CSMD1: variants seen among roughly 807,000 people sequenced by gnomAD.
CSMD1 encodes CUB and sushi domain-containing protein 1.
A neutral mutation model predicts 417.5 loss-of-function variants in CSMD1; 213 were observed. The observed-to-expected ratio is 0.51, with a 90% CI of 0.46 to 0.57. The LOEUF is 0.57. Among genes scored for constraint, CSMD1 ranks in the 20% least tolerant of loss-of-function variants. CSMD1 has a pLI of 0.00. For synonymous variants in CSMD1, 2,862 were observed against 1,736.8 expected (o/e 1.65, Z -16.11); for missense variants, 6,923 against 4,529.7 (o/e 1.53, Z -15.17).
intron 3 of CSMD1, among the ~76,000 whole-genome samples, chr8:4,073,631 A>C (rs1328955523): frequency 4.6e-5 from 7 of 152,170 alleles, no homozygotes; most frequent in Non-Finnish European, 8.8e-5. Flanking sequence ...ATTGAATTTT[A>C]ATGAATTTAT....
chr8:4,473,643 T>C (rs780383830), intron 2 of CSMD1, among the ~76,000 whole-genome samples: 5 of 152,180 alleles, frequency 3.3e-5, no homozygotes, highest in Non-Finnish European at 5.9e-5. Context: ...TTTAGTTTCC[T>C]TTATCTGTGA....
intron 3 of CSMD1, among the ~76,000 whole-genome samples, chr8:4,224,462 G>A (rs188167978): frequency 1.3e-5 from 2 of 152,120 alleles, no homozygotes; most frequent in South Asian, 2.1e-4. Flanking sequence ...CCAGGTTGGG[G>A]AATAGTTGCT....
At chr8:4,961,939 T>G (rs1236669429) in intron 1 of CSMD1, among the ~76,000 whole-genome samples, 1 of 152,132 alleles carries the variant, frequency 6.6e-6, no homozygotes, top group East Asian at 1.9e-4. Context: ...TTATAACATT[T>G]GTTATTGTCT....
intron 3 of CSMD1, among the ~76,000 whole-genome samples, chr8:4,233,680 T>C (rs1801876362): frequency 6.6e-6 from 1 of 152,142 alleles, no homozygotes; most frequent in African/African-American, 2.4e-5. Flanking sequence ...TTATAAGCTA[T>C]CCAATGTATG....
chr8:3,927,046 TTA>T (rs1474837976), intron 5 of CSMD1, among the ~76,000 whole-genome samples: 5 of 151,920 alleles, frequency 3.3e-5, no homozygotes, highest in African/African-American at 1.2e-4. Context: ...TTTTTGTGCT[TTA>T]TGTTTTTATA....
At chr8:4,152,543 AG>A (rs1796623332) in intron 3 of CSMD1, among the ~76,000 whole-genome samples, 1 of 145,548 alleles carries the variant, frequency 6.9e-6, no homozygotes, top group Non-Finnish European at 1.5e-5. Context: ...AAAAAAAATT[AG>A]CTAGTCATGG....
intron 40 of CSMD1, among the ~76,000 whole-genome samples, chr8:3,145,893 C>A (rs117865954): frequency 0.012 from 1,776 of 152,322 alleles, 25 homozygotes; most frequent in Middle Eastern, 0.054. Flanking sequence ...GTGCCAGTGA[C>A]AAGTCACCTG....
At position 3,188,929 on chromosome 8, in the gene CSMD1, G is replaced by A; in HGVS notation, c.5481C>T (p.Asn1827=). 2 of 1,608,638 alleles carry A rather than the reference G, an allele frequency of 1.2e-6. No homozygotes were observed. Among genetic ancestry groups the A allele is most frequent in the South Asian group, 1.1e-5 (1 of 89,760 alleles). The change falls in exon 35 of 70, where the codon AAC becomes AAT. Residue 1827 remains asparagine (N), a synonymous_variant. Coordinates refer to ENST00000635120, the MANE Select transcript of CSMD1 (RefSeq NM_033225.6). The part of the protein sequence containing the change: ...GYPEPYGNNL[N]CIWKIIVTEG... ...CCGTAACTATGATCTTCCATATACA[G>A]TTCAAGTTGTTTCCGTATGGCTCAG... is the stretch of plus-strand genomic sequence containing the variant.
chr8:4,891,914 A>T lies in CSMD1; in HGVS notation c.85+102418T>A, dbSNP rs1039124775. On this transcript the variant is annotated intron_variant, in intron 1 of 69. Coordinates refer to ENST00000635120, the MANE Select transcript of CSMD1 (RefSeq NM_033225.6). ...AGATTCTATTTTAGCAAACAAACAG[A>T]TGGTAGGTTATCAACAATAAAAGAA... Among the ~76,000 whole-genome samples, 39 of 152,126 alleles carry T rather than the reference A, an allele frequency of 2.6e-4. 1 individual carries two copies. Among genetic ancestry groups the T allele is most frequent in the Non-Finnish European group, 7.3e-5 (5 of 68,042 alleles).
chr8:3,136,237 C>T (rs534646917), intron 41 of CSMD1, among the ~76,000 whole-genome samples: 6 of 151,776 alleles, frequency 4.0e-5, no homozygotes, highest in Non-Finnish European at 5.9e-5. Context: ...GAGAGGACAA[C>T]CAAGCCTTTT....
chr8:4,305,846 T>C (rs1470790390), intron 3 of CSMD1, among the ~76,000 whole-genome samples: 2 of 152,170 alleles, frequency 1.3e-5, no homozygotes, highest in African/African-American at 4.8e-5. Context: ...GCCGATCTTG[T>C]ATGGATCCCC....
intron 5 of CSMD1, among the ~76,000 whole-genome samples, chr8:3,836,093 T>A (rs1348353632): frequency 1.3e-5 from 2 of 152,162 alleles, no homozygotes; most frequent in African/African-American, 4.8e-5. Context: ...CTTTTTAAAC[T>A]TTTACCTATG....
At chr8:4,719,895 T>C (rs1459905020) in intron 1 of CSMD1, among the ~76,000 whole-genome samples, 1 of 152,134 alleles carries the variant, frequency 6.6e-6, no homozygotes, top group African/African-American at 2.4e-5. Context: ...CACATATCTA[T>C]ATTCGACCTC....
chr8:3,862,879 T>A (rs1187727203), intron 5 of CSMD1, among the ~76,000 whole-genome samples: 2 of 152,196 alleles, frequency 1.3e-5, no homozygotes, highest in Non-Finnish European at 2.9e-5. Context: ...CTATTATTAC[T>A]GTGTCTTAGT....
At chr8:3,075,921 G>A (rs561369071) in intron 49 of CSMD1, among the ~76,000 whole-genome samples, 1 of 151,642 alleles carries the variant, frequency 6.6e-6, no homozygotes, top group East Asian at 2.0e-4. Flanking sequence ...CGTGGTGGCG[G>A]GCGCCTGTAG....
chr8:3,897,628 C>G (rs1472849060), intron 5 of CSMD1, among the ~76,000 whole-genome samples: 1 of 151,836 alleles, frequency 6.6e-6, no homozygotes, highest in African/African-American at 2.4e-5. Flanking sequence ...TCAAAATGGA[C>G]TGCTGTAACA....
At chr8:3,956,869 A>T (rs957961824) in intron 5 of CSMD1, among the ~76,000 whole-genome samples, 2 of 152,200 alleles carry the variant, frequency 1.3e-5, no homozygotes, top group Non-Finnish European at 2.9e-5. Flanking sequence ...ACTCCTTGGA[A>T]TGCTGCAAAT....
At position 4,870,363 on chromosome 8, in the gene CSMD1, T is replaced by G. The variant is rs184075275; in HGVS notation, c.85+123969A>C. Reference sequence around the variant, plus strand: ...CATATTTTTATGCACTGCTATTTATTTCACCTAACAAGAGTTCAGAAACCC... The same window carrying G: ...CATATTTTTATGCACTGCTATTTATGTCACCTAACAAGAGTTCAGAAACCC... On this transcript the variant is annotated intron_variant, in intron 1 of 69. Coordinates refer to ENST00000635120, the MANE Select transcript of CSMD1 (RefSeq NM_033225.6). Among the ~76,000 whole-genome samples the G allele has an allele frequency of 1.2e-3, 188 of 152,234 alleles. 1 individual carries two copies. The highest frequency in any genetic ancestry group is 7.4e-3 in the Admixed American group (113 of 15,288).
intron 3 of CSMD1, among the ~76,000 whole-genome samples, chr8:4,155,008 G>C (rs1007171744): frequency 6.6e-6 from 1 of 152,178 alleles, no homozygotes; most frequent in Non-Finnish European, 1.5e-5. Flanking sequence ...GCAAGTTTCT[G>C]CAGTGATAAA....
Sources: gnomAD v4.1 joint callset for allele counts (sites outside exome capture counted in the v4.1 genomes callset) on GRCh38, gnomAD v4.1.1 for gene constraint, MANE v1.5 for transcripts, NCBI Gene and HGNC (gene_info 2026-07-23, HGNC 2026-07-21) for gene names.